TNRC6B: variants seen among roughly 807,000 people sequenced by gnomAD.
The protein encoded by TNRC6B is trinucleotide repeat containing adaptor 6B, also known as trinucleotide repeat-containing gene 6B protein.
Under a neutral mutation model 203.6 loss-of-function variants are expected in TNRC6B, and 52 were observed. The ratio of observed to expected loss-of-function variants is 0.26; its 90% CI spans 0.20 to 0.32. The LOEUF (loss-of-function observed/expected upper bound fraction) is 0.32. Among genes scored for constraint, TNRC6B ranks in the 10% least tolerant of loss-of-function variants. The pLI is 1.00. For missense variants in TNRC6B, 1,923 were observed against 2,286.2 expected, an observed-to-expected ratio of 0.84 and a Z score of 3.24; for synonymous variants, 838 against 845.7, an observed-to-expected ratio of 0.99 and a Z score of 0.16.
chr22:40,147,288 C>CT (rs1482100843), intron 3 of TNRC6B, among the ~76,000 whole-genome samples: 1 of 152,080 alleles, frequency 6.6e-6, no homozygotes, highest in Non-Finnish European at 1.5e-5. Context: ...TTGTTAGGGA[C>CT]TGGGGGGAGC....
At chr22:40,171,947 G>A (rs1431972162) in intron 4 of TNRC6B, among the ~76,000 whole-genome samples, 1 of 152,030 alleles carries the variant, frequency 6.6e-6, no homozygotes, top group Non-Finnish European at 1.5e-5. Flanking sequence ...TGCAGCCTCC[G>A]CCTCCTGGGT....
At chr22:40,319,529 G>T (rs577847125) in intron 21 of TNRC6B, among the ~76,000 whole-genome samples, 3 of 151,106 alleles carry the variant, frequency 2.0e-5, no homozygotes, top group Admixed American at 2.0e-4. Flanking sequence ...GGGTTAATGC[G>T]GTTCTCATGT....
intron 1 of TNRC6B, among the ~76,000 whole-genome samples, chr22:40,078,086 GAT>G (rs2068034064): frequency 1.3e-5 from 2 of 152,154 alleles, no homozygotes; most frequent in Non-Finnish European, 1.5e-5. Flanking sequence ...AGAGTATGTG[GAT>G]ATTTTTTAAG....
intron 1 of TNRC6B, among the ~76,000 whole-genome samples, chr22:40,217,580 C>A (rs2069651834): frequency 6.6e-6 from 1 of 152,168 alleles, no homozygotes; most frequent in African/African-American, 2.4e-5. Context: ...ACATCCAAAT[C>A]CATGTTGCTT....
chr22:40,281,638 A>G (rs1212408451), intron 11 of TNRC6B, among the ~76,000 whole-genome samples: 1 of 152,244 alleles, frequency 6.6e-6, no homozygotes, highest in Non-Finnish European at 1.5e-5. Context: ...TAGATTGGAT[A>G]TGTAATACTT....
chr22:40,210,464 T>A (rs180835128), intron 1 of TNRC6B, among the ~76,000 whole-genome samples: 347 of 152,376 alleles, frequency 2.3e-3, no homozygotes, highest in African/African-American at 8.1e-3. Context: ...AGTCTTTTTC[T>A]TAAAATTGGT....
chr22:40,105,896 T>C (rs770343259), intron 1 of TNRC6B, among the ~76,000 whole-genome samples: 2 of 152,212 alleles, frequency 1.3e-5, no homozygotes, highest in Non-Finnish European at 2.9e-5. Flanking sequence ...ACACAAGTAG[T>C]GTGTGAAGAT....
intron 1 of TNRC6B, among the ~76,000 whole-genome samples, chr22:40,234,504 C>G (rs1010238589): frequency 3.3e-5 from 5 of 152,130 alleles, no homozygotes; most frequent in Non-Finnish European, 1.5e-5. Flanking sequence ...GGCCCTGTCC[C>G]ACAGCATTCT....
rs1210268997 is a variant in TNRC6B, at chr22:40,126,004, TTTTTC to T, written c.45+148_45+152del. On this transcript the variant is annotated intron_variant, in intron 3 of 23. Transcript: ENST00000301923. Reference sequence around the variant, plus strand: ...AACCTAACATAAGATTGAGAAATATTTTTTCTTTTCAGTATACTTTTTAATCCTAT... The same window carrying T: ...AACCTAACATAAGATTGAGAAATATTTTTTCAGTATACTTTTTAATCCTAT... 1.5e-4 allele frequency: 129 copies of T among 877,492 alleles called. 1 individual carries two copies. The South Asian group carries it at 2.8e-3, about 19-fold the overall frequency. 54.4% of individuals were successfully genotyped at this position (877,492 alleles called of 1,614,324 possible).
chr22:40,100,737 C>T (rs1191648582), intron 1 of TNRC6B, among the ~76,000 whole-genome samples: 1 of 152,080 alleles, frequency 6.6e-6, no homozygotes, highest in Admixed American at 6.5e-5. Flanking sequence ...TTGGTATACA[C>T]CAAAGGTCTG....
chr22:40,201,126 G>T (rs2069407050), intron 1 of TNRC6B, among the ~76,000 whole-genome samples: 1 of 152,144 alleles, frequency 6.6e-6, no homozygotes, highest in Non-Finnish European at 1.5e-5. Flanking sequence ...GGACGTTTAG[G>T]TTATCATTCG....
At chr22:40,091,253 G>C (rs2068148673) in intron 1 of TNRC6B, among the ~76,000 whole-genome samples, 1 of 152,006 alleles carries the variant, frequency 6.6e-6, no homozygotes, top group African/African-American at 2.4e-5. Context: ...AAAGCATGAT[G>C]ATATTTTTTA....
chr22:40,066,145 C>A (rs900688079), intron 1 of TNRC6B, among the ~76,000 whole-genome samples: 14 of 152,078 alleles, frequency 9.2e-5, no homozygotes, highest in Non-Finnish European at 1.9e-4. Flanking sequence ...GGGTTTCCCT[C>A]CCTGTTCTGT....
intron 1 of TNRC6B, among the ~76,000 whole-genome samples, chr22:40,066,225 A>G (rs990100565): frequency 4.6e-5 from 7 of 152,130 alleles, no homozygotes; most frequent in Non-Finnish European, 1.0e-4. Context: ...GCCGTGTCTC[A>G]GGGATCACAT....
At chr22:40,270,718 CCTTGAGTGTTAAA>C (rs1188603038) in intron 6 of TNRC6B, among the ~76,000 whole-genome samples, 3 of 152,208 alleles carry the variant, frequency 2.0e-5, no homozygotes, top group Admixed American at 1.3e-4. Flanking sequence ...AGATTCAGGA[CCTTGAGTGTTAAA>C]TAATTAGTTA....
At chr22:40,156,132 T>C in exon 4 of TNRC6B, 3 of 1,582,218 alleles carry the variant, frequency 1.9e-6, no homozygotes, top group Non-Finnish European at 2.6e-6. Flanking sequence ...AGGAGGATTT[T>C]GTAATGGAAG....
At chr22:40,128,208 T>C (rs541342204) in intron 3 of TNRC6B, among the ~76,000 whole-genome samples, 1 of 152,322 alleles carries the variant, frequency 6.6e-6, no homozygotes, top group South Asian at 2.1e-4. Context: ...TTCCTCCTGA[T>C]GTTTGCTTTT....
intron 12 of TNRC6B, among the ~76,000 whole-genome samples, chr22:40,286,175 A>G (rs1003437602): frequency 1.3e-5 from 2 of 152,190 alleles, no homozygotes; most frequent in African/African-American, 4.8e-5. Flanking sequence ...TCACCCAAAG[A>G]TAAAAAGAGA....
intron 12 of TNRC6B, among the ~76,000 whole-genome samples, chr22:40,286,545 A>T (rs1401033964): frequency 6.6e-6 from 1 of 151,898 alleles, no homozygotes; most frequent in Non-Finnish European, 1.5e-5. Context: ...CAGATTCTGG[A>T]TTATTCTGAA....
Sources: gnomAD v4.1 joint callset for allele counts (sites outside exome capture counted in the v4.1 genomes callset) on GRCh38, gnomAD v4.1.1 for gene constraint, MANE v1.5 for transcripts, NCBI Gene and HGNC (gene_info 2026-07-23, HGNC 2026-07-21) for gene names.